GBF1: variants seen among roughly 807,000 people sequenced by gnomAD.
GBF1 encodes golgi brefeldin A resistant guanine nucleotide exchange factor 1.
A neutral mutation model predicts 210.5 loss-of-function variants in GBF1; 114 were observed. The ratio of observed to expected loss-of-function variants is 0.54; its 90% CI spans 0.47 to 0.63. The LOEUF (loss-of-function observed/expected upper bound fraction) is 0.63. Among genes scored for constraint, GBF1 ranks in the 30% least tolerant of loss-of-function variants. The probability of loss-of-function intolerance (pLI) is 0.00; values close to 1 mark genes in which losing one functional copy is unlikely to be tolerated. For missense variants in GBF1, 1,851 were observed against 2,357.7 expected, an observed-to-expected ratio of 0.79 and a Z score of 4.45; for synonymous variants, 850 against 889.2, an observed-to-expected ratio of 0.96 and a Z score of 0.78.
At chr10:102,255,151 C>T (rs1270769651) in intron 1 of GBF1, among the ~76,000 whole-genome samples, 1 of 152,116 alleles carries the variant, frequency 6.6e-6, no homozygotes, top group African/African-American at 2.4e-5. Context: ...AGTGATTCTC[C>T]TGCCTCAGCC....
intron 3 of GBF1, among the ~76,000 whole-genome samples, chr10:102,327,402 T>G (rs751317406): frequency 6.6e-6 from 1 of 152,196 alleles, no homozygotes; most frequent in Admixed American, 6.5e-5. Flanking sequence ...ACTTTCGCTC[T>G]TAGGTATTTA....
chr10:102,352,495 C>T lies in GBF1; in HGVS notation c.561C>T (p.Asp187=), dbSNP rs576950758. 25 of 1,611,526 alleles carry T rather than the reference C, an allele frequency of 1.6e-5. No homozygotes were observed. The highest frequency in any genetic ancestry group is 2.1e-5 in the Non-Finnish European group (25 of 1,177,730). ...LRKSAEHTLV[D]MVQLLFTRLP... is the part of the protein sequence containing the mutation. ...AATCCGCAGAGCACACTCTCGTAGA[C>T]ATGGTGCAGCTGCTCTTCACAAGGT... Residue 187 remains aspartate, a synonymous_variant, in exon 7 of 40, where the codon GAC becomes GAT. Transcript: ENST00000369983.
intron 1 of GBF1, among the ~76,000 whole-genome samples, chr10:102,246,635 A>AT (rs2070869780): frequency 6.6e-6 from 1 of 152,136 alleles, no homozygotes; most frequent in African/African-American, 2.4e-5. Context: ...GTCATGAGAG[A>AT]TTTTCAGCCA....
At position 102,301,709 on chromosome 10, in the gene GBF1, C is replaced by T. The variant is rs559698722; in HGVS notation, c.163+41593C>T. On this transcript the variant is annotated intron_variant, in intron 3 of 39. Transcript: ENST00000369983. ...CGCTCCCCACATCTCAGACGATGGGCGGCTGGGCAGAGACGCTCCTCACTT... is the reference window on the plus strand; with the variant it reads ...CGCTCCCCACATCTCAGACGATGGGTGGCTGGGCAGAGACGCTCCTCACTT... Among the ~76,000 whole-genome samples, 296 of 145,668 alleles carry T rather than the reference C, an allele frequency of 2.0e-3. 1 individual carries two copies. The highest frequency in any genetic ancestry group is 6.5e-3 in the African/African-American group (251 of 38,388).
In GBF1 at chr10:102,359,302, A is replaced by G. The variant is rs751762798; in HGVS notation, c.1047A>G (p.Ala349=). 1.9e-6 allele frequency: 3 copies of G among 1,612,720 alleles called. No individual in the cohort carries two copies. In the South Asian group the frequency reaches 3.3e-5, roughly 18 times the overall value. Residue 349 remains alanine, a synonymous_variant, in exon 11 of 40, where the codon GCA becomes GCG. Coordinates refer to ENST00000369983, the MANE Select transcript of GBF1 (RefSeq NM_001377137.1). The stretch of plus-strand genomic sequence containing the variant: ...CCCATGTGGAAAAGTCCCAGTCAGC[A>G]TCTGTGGAGTCCATCCCTGAAGTGT... ...EGTHVEKSQS[A]SVESIPEVLE...
chr10:102,266,754 G>T (rs2073910861), intron 3 of GBF1, among the ~76,000 whole-genome samples: 1 of 152,222 alleles, frequency 6.6e-6, no homozygotes, highest in Non-Finnish European at 1.5e-5. Flanking sequence ...ACATTGGTGG[G>T]TTGCATAGCG....
intron 3 of GBF1, among the ~76,000 whole-genome samples, chr10:102,329,658 T>G (rs10128212): frequency 0.3 from 45,459 of 150,826 alleles, 7,593 homozygotes; most frequent in African/African-American, 0.46. Context: ...AGAGATAGGG[T>G]TTCACCGTGT....
intron 3 of GBF1, among the ~76,000 whole-genome samples, chr10:102,319,238 T>A (rs2056155320): frequency 6.6e-6 from 1 of 152,184 alleles, no homozygotes; most frequent in Non-Finnish European, 1.5e-5. Context: ...GAGAATGGCA[T>A]GAACCCGGGA....
At chr10:102,307,805 A>G (rs979732500) in intron 3 of GBF1, among the ~76,000 whole-genome samples, 1 of 152,146 alleles carries the variant, frequency 6.6e-6, no homozygotes. Context: ...AAAAAAACAA[A>G]AAAAACAAAA....
intron 3 of GBF1, among the ~76,000 whole-genome samples, chr10:102,264,168 A>G (rs754431561): frequency 3.0e-4 from 46 of 152,324 alleles, no homozygotes; most frequent in Middle Eastern, 3.4e-3. Flanking sequence ...ATCATATCTC[A>G]GTTTATAAAG....
At chr10:102,294,583 G>T (rs991292432) in intron 3 of GBF1, among the ~76,000 whole-genome samples, 9 of 151,582 alleles carry the variant, frequency 5.9e-5, no homozygotes, top group African/African-American at 2.2e-4. Context: ...GGGTTTCACC[G>T]TGTTAGCCAG....
chr10:102,360,112 C>A (rs1468446227), intron 11 of GBF1, 72 bp from the exon 12 acceptor site: 1 of 945,810 alleles, frequency 1.1e-6, no homozygotes, highest in Non-Finnish European at 1.8e-6. Context: ...TTGTGTAATG[C>A]AGAGCAGGCT....
chr10:102,346,399 A>C (rs1320467683), intron 4 of GBF1, among the ~76,000 whole-genome samples: 1 of 152,254 alleles, frequency 6.6e-6, no homozygotes, highest in East Asian at 1.9e-4. Flanking sequence ...AAAAGGTTAC[A>C]TCATTTATAC....
At chr10:102,308,736 G>A in intron 3 of GBF1, among the ~76,000 whole-genome samples, 1 of 141,588 alleles carries the variant, frequency 7.1e-6, no homozygotes, top group African/African-American at 2.6e-5. Flanking sequence ...GGGGTAGGGG[G>A]AGGGGGGAGG....
intron 3 of GBF1, among the ~76,000 whole-genome samples, chr10:102,288,636 G>A (rs1388432160): frequency 6.6e-6 from 1 of 151,404 alleles, no homozygotes; most frequent in Admixed American, 6.6e-5. Flanking sequence ...GCGTGAACCC[G>A]GGAAGCGGAG....
In GBF1 at chr10:102,363,494, C is replaced by T. The variant is rs1007614932; in HGVS notation, c.2017+98C>T. 8.5e-7 allele frequency: 1 copy of T among 1,170,064 alleles called. No homozygotes were observed. Among genetic ancestry groups the T allele is most frequent in the Admixed American group, 2.2e-5 (1 of 45,870 alleles). 72.5% of individuals were successfully genotyped at this position (1,170,064 alleles called of 1,614,324 possible). Reference sequence around the variant, plus strand: ...ACACCTAGGATAGTAACTAAGCAAGCCTTGGTAGCCCGCCTCGCCTTCAGA... The same window carrying T: ...ACACCTAGGATAGTAACTAAGCAAGTCTTGGTAGCCCGCCTCGCCTTCAGA... On this transcript the variant is annotated intron_variant, in intron 16 of 39. Transcript: ENST00000369983. This position sits in a 1 kb window ranked among gnomAD's most constrained non-coding sequence, Gnocchi z 4.2.
intron 3 of GBF1, among the ~76,000 whole-genome samples, chr10:102,288,722 G>GAAAA (rs1348947076): frequency 1.3e-4 from 11 of 83,694 alleles, no homozygotes; most frequent in Non-Finnish European, 1.8e-4. Context: ...CGTCTCAAAG[G>GAAAA]AAAAAAAAAA....
intron 1 of GBF1, among the ~76,000 whole-genome samples, chr10:102,257,781 G>C (rs776533973): frequency 2.6e-5 from 4 of 151,398 alleles, no homozygotes; most frequent in Non-Finnish European, 5.9e-5. Context: ...GAGAGCGAGA[G>C]AGAGTGTCTC....
chr10:102,369,117 A>G, intron 23 of GBF1, 94 bp from the exon 24 acceptor site: 1 of 928,696 alleles, frequency 1.1e-6, no homozygotes, highest in Non-Finnish European at 1.7e-6. Flanking sequence ...AGCCAACAAA[A>G]GGACCTGAGG....
Sources: gnomAD v4.1 joint callset for allele counts (sites outside exome capture counted in the v4.1 genomes callset) on GRCh38, gnomAD v4.1.1 for gene constraint, Gnocchi (gnomAD v3.1) non-coding constraint, MANE v1.5 for transcripts, NCBI Gene and HGNC (gene_info 2026-07-23, HGNC 2026-07-21) for gene names.